The following KIF3C variants were observed in gnomAD, a reference collection of about 807,000 sequenced individuals.
KIF3C encodes the protein kinesin family member 3C, also known as kinesin-like protein KIF3C.
A neutral mutation model predicts 67.7 loss-of-function variants in KIF3C; 12 were observed. The observed-to-expected ratio is 0.18, with a 90% CI of 0.11 to 0.29. The LOEUF (loss-of-function observed/expected upper bound fraction) is 0.29. KIF3C is among the 10% of genes least tolerant of loss of function. KIF3C has a pLI of 1.00. For synonymous variants in KIF3C, 393 were observed against 426.2 expected, an observed-to-expected ratio of 0.92 and a Z score of 0.96; for missense variants, 789 against 1,059.6, an observed-to-expected ratio of 0.74 and a Z score of 3.55.
chr2:25,936,094 A>AC (rs1553713470), intron 5 of KIF3C, among the ~76,000 whole-genome samples: 12 of 150,808 alleles, frequency 8.0e-5, no homozygotes, highest in Non-Finnish European at 1.6e-4. Context: ...CTCAAAAAAA[A>AC]AAAACAAAAC....
rs139229498 is a variant in KIF3C at position 25,975,148 on chromosome 2, G to C, written c.1545+5225C>G. Among the ~76,000 whole-genome samples, 1,465 of 152,022 alleles carry C rather than the reference G, an allele frequency of 9.6e-3. 2 individuals carry two copies. Among genetic ancestry groups the C allele is most frequent in the Middle Eastern group, 0.017 (5 of 294 alleles). On this transcript the variant is annotated intron_variant, in intron 1 of 7. Transcript: ENST00000264712. Reference sequence around the variant, plus strand: ...CCTCAAATGTGACACATCTACAGCAGCTCCTATCAGTTTTCTTTTCTTTCC... The same window carrying C: ...CCTCAAATGTGACACATCTACAGCACCTCCTATCAGTTTTCTTTTCTTTCC...
intron 5 of KIF3C, 126 bp downstream of exon 5, chr2:25,951,663 C>T: frequency 3.1e-6 from 2 of 652,092 alleles, no homozygotes; most frequent in East Asian, 2.6e-5. Context: ...TCGGCATCCT[C>T]CCCATCTTTT....
chr2:25,953,999 T>G, intron 4 of KIF3C: 1 of 391,364 alleles, frequency 2.6e-6, no homozygotes, highest in Non-Finnish European at 4.6e-6. Flanking sequence ...TTAAAATCAC[T>G]GATTCTTATG....
intron 5 of KIF3C, among the ~76,000 whole-genome samples, chr2:25,939,418 C>T (rs1663229499): frequency 6.6e-6 from 1 of 152,138 alleles, no homozygotes; most frequent in Non-Finnish European, 1.5e-5. Context: ...GTTCCACTGC[C>T]CTGCTTGTCT....
intron 5 of KIF3C, chr2:25,938,316 C>G (rs1192096127): frequency 4.6e-6 from 2 of 438,900 alleles, no homozygotes; most frequent in Non-Finnish European, 9.0e-6. Flanking sequence ...TGAGATCGTG[C>G]CACTGCATTT....
rs1559555067 is a variant in KIF3C at position 25,962,785 on chromosome 2, TA to T, written c.1546-6342del. ...ATATATATAAAATATATGTTATATATATAATATATATTATATAATATATAAT... is the reference window on the plus strand; with the variant it reads ...ATATATATAAAATATATGTTATATATTAATATATATTATATAATATATAAT... On this transcript the variant is annotated intron_variant, in intron 1 of 7. Coordinates refer to ENST00000264712, the MANE Select transcript of KIF3C (RefSeq NM_002254.8). 1.1e-3 allele frequency among the ~76,000 whole-genome samples: 108 copies of T among 95,750 alleles called. 2 individuals carry two copies. Among genetic ancestry groups the T allele is most frequent in the African/African-American group, 2.5e-3 (56 of 22,630 alleles). The allele number at this position is 95,750 out of a possible 152,430, so 62.8% of individuals were successfully genotyped here. A position where few individuals can be genotyped will look rare whatever the true frequency, so the allele number is the denominator to read the frequency against.
intron 1 of KIF3C, among the ~76,000 whole-genome samples, chr2:25,965,711 A>C (rs553867889): frequency 4.0e-5 from 6 of 151,776 alleles, no homozygotes; most frequent in South Asian, 2.1e-4. Context: ...TCAGTCTAGA[A>C]TATACCAAGC....
chr2:25,956,888 A>G (rs1034037667), intron 1 of KIF3C, among the ~76,000 whole-genome samples: 5 of 152,216 alleles, frequency 3.3e-5, no homozygotes, highest in African/African-American at 9.6e-5. Context: ...CAACACAGGC[A>G]GCAGGAAAGG....
chr2:25,975,048 C>G (rs891498583), intron 1 of KIF3C, among the ~76,000 whole-genome samples: 2 of 124,564 alleles, frequency 1.6e-5, no homozygotes, highest in African/African-American at 6.8e-5. Flanking sequence ...AAATGAGACC[C>G]AATCTCCATT....
chr2:25,968,513 G>A (rs1664198863), intron 1 of KIF3C, among the ~76,000 whole-genome samples: 2 of 152,038 alleles, frequency 1.3e-5, no homozygotes, highest in Admixed American at 6.6e-5. Flanking sequence ...TCACCTTTCC[G>A]CCCTATTTCC....
chr2:25,964,506 GCCCA>G (rs1428448074), intron 1 of KIF3C, among the ~76,000 whole-genome samples: 1 of 151,944 alleles, frequency 6.6e-6, no homozygotes, highest in Admixed American at 6.6e-5. Flanking sequence ...TTGCTCTGTT[GCCCA>G]GGCTGGAATG....
At chr2:25,979,604 C>T (rs1664511648) in intron 1 of KIF3C, among the ~76,000 whole-genome samples, 1 of 152,088 alleles carries the variant, frequency 6.6e-6, no homozygotes, top group African/African-American at 2.4e-5. Context: ...GAGTTTGGTG[C>T]TTTTTCCACC....
At chr2:25,938,307 G>C in intron 5 of KIF3C, 2 of 447,318 alleles carry the variant, frequency 4.5e-6, no homozygotes, top group Non-Finnish European at 8.9e-6. Flanking sequence ...TCAGTGAGCT[G>C]AGATCGTGCC....
intron 5 of KIF3C, among the ~76,000 whole-genome samples, chr2:25,942,542 C>A (rs552930969): frequency 5.9e-5 from 9 of 151,886 alleles, no homozygotes; most frequent in Non-Finnish European, 1.5e-5. Flanking sequence ...TCCCAAGTAG[C>A]TGGAATTACA....
Position 25,954,269 on chromosome 2 carries a change from G to A in KIF3C, c.1887C>T (p.Leu629=), listed in dbSNP as rs374382929. The A allele has an allele frequency of 1.4e-5, 22 of 1,612,494 alleles. No homozygotes were observed. The highest frequency in any genetic ancestry group is 1.4e-5 in the Non-Finnish European group (17 of 1,178,648). Reference sequence around the variant, plus strand: ...ATGAAAAGAGCTGCGGGCCCTACTTGAGCTTGAGTTCGCGGGTCTGCTCGT... The same window carrying A: ...ATGAAAAGAGCTGCGGGCCCTACTTAAGCTTGAGTTCGCGGGTCTGCTCGT... ...AQNEQTRELK[L]KYLIIENFIP... The change falls in exon 4 of 8, where the codon CTC becomes CTT. Residue 629 remains leucine, a splice_region_variant and synonymous_variant. Transcript: ENST00000264712.
chr2:25,960,074 A>G (rs1282860931), intron 1 of KIF3C, among the ~76,000 whole-genome samples: 1 of 152,058 alleles, frequency 6.6e-6, no homozygotes, highest in Non-Finnish European at 1.5e-5. Flanking sequence ...TTGCTCTCAA[A>G]TATCACTGCA....
chr2:25,942,406 CA>C (rs70950140), intron 5 of KIF3C, among the ~76,000 whole-genome samples: 1 of 149,934 alleles, frequency 6.7e-6, no homozygotes, highest in Non-Finnish European at 1.5e-5. Flanking sequence ...GACCTAGTTG[CA>C]AAAAAAAATT....
Position 25,928,860 on chromosome 2 carries a change from C to T in KIF3C, c.*118G>A, listed in dbSNP as rs1201037777. 8 of 770,378 alleles carry T rather than the reference C, an allele frequency of 1.0e-5. No individual in the cohort carries two copies. The highest frequency in any genetic ancestry group is 5.2e-5 in the African/African-American group (3 of 57,856). The allele number at this position is 770,378 out of a possible 1,614,324, so 47.7% of individuals were successfully genotyped here. ...ACCATCTGCCAGATTCTCACCCCTG[C>T]ACACACGCACACGCACATGCACGCA... On this transcript the variant is annotated 3_prime_UTR_variant, in exon 8 of 8. Transcript: ENST00000264712.
intron 5 of KIF3C, among the ~76,000 whole-genome samples, chr2:25,944,212 T>G (rs558478085): frequency 6.6e-6 from 1 of 151,872 alleles, no homozygotes; most frequent in African/African-American, 2.4e-5. Flanking sequence ...CGTGCACAGC[T>G]ACCTGATATT....
Sources: gnomAD v4.1 joint callset for allele counts (sites outside exome capture counted in the v4.1 genomes callset) on GRCh38, gnomAD v4.1.1 for gene constraint, MANE v1.5 for transcripts, NCBI Gene and HGNC (gene_info 2026-07-23, HGNC 2026-07-21) for gene names.